Variants in STT3B observed in about 807,000 individuals in gnomAD.
The protein encoded by STT3B is dolichyl-diphosphooligosaccharide--protein glycosyltransferase subunit STT3B.
STT3B carries 29 observed loss-of-function variants against 96.8 expected under a neutral mutation model. The observed-to-expected ratio is 0.30, with a 90% CI of 0.22 to 0.41. The LOEUF is 0.41. STT3B is among the 10% of genes least tolerant of loss of function. STT3B has a pLI of 1.00. For synonymous variants in STT3B, 367 were observed against 360.0 expected (o/e 1.02, Z -0.22); for missense variants, 640 against 1,022.3 (o/e 0.63, Z 5.10).
At chr3:31,545,707 T>C (rs1320485586) in intron 1 of STT3B, among the ~76,000 whole-genome samples, 2 of 152,136 alleles carry the variant, frequency 1.3e-5, no homozygotes, top group Non-Finnish European at 2.9e-5. Flanking sequence ...TTAATAAAAC[T>C]CTCATATGTA....
At chr3:31,556,223 T>C (rs932587841) in intron 1 of STT3B, among the ~76,000 whole-genome samples, 3 of 152,164 alleles carry the variant, frequency 2.0e-5, no homozygotes, top group African/African-American at 7.2e-5. Context: ...TTGCTGCAGA[T>C]GACATACTTT....
chr3:31,618,933 AATATT>A (rs1439227016), intron 8 of STT3B, among the ~76,000 whole-genome samples: 1 of 151,018 alleles, frequency 6.6e-6, no homozygotes, highest in Non-Finnish European at 1.5e-5. Flanking sequence ...GTAAAATTGT[AATATT>A]ATAATATAAC....
intron 1 of STT3B, among the ~76,000 whole-genome samples, chr3:31,545,121 T>C (rs1166879961): frequency 1.3e-5 from 2 of 152,144 alleles, no homozygotes; most frequent in Non-Finnish European, 2.9e-5. Context: ...AACTGTGAAG[T>C]AGATGAAATA....
intron 1 of STT3B, among the ~76,000 whole-genome samples, chr3:31,542,226 T>C (rs1021400002): frequency 6.6e-6 from 1 of 152,208 alleles, no homozygotes; most frequent in Non-Finnish European, 1.5e-5. Flanking sequence ...TTTTGTCAAC[T>C]ATTAAAGTAT....
intron 5 of STT3B, among the ~76,000 whole-genome samples, chr3:31,608,797 T>C (rs1433129562): frequency 6.6e-6 from 1 of 152,216 alleles, no homozygotes; most frequent in Non-Finnish European, 1.5e-5. Flanking sequence ...TTTAGGAGCC[T>C]ACTACAGTAG....
At chr3:31,598,579 C>T (rs758610125) in intron 4 of STT3B, among the ~76,000 whole-genome samples, 16 of 151,988 alleles carry the variant, frequency 1.1e-4, no homozygotes, top group African/African-American at 3.4e-4. Context: ...TATGTGGGTC[C>T]GAGAAGAAAT....
At chr3:31,614,697 T>C (rs1699264855) in intron 5 of STT3B, among the ~76,000 whole-genome samples, 1 of 136,056 alleles carries the variant, frequency 7.3e-6, no homozygotes, top group Admixed American at 7.8e-5. Flanking sequence ...TCACACATGC[T>C]GGCAGTGGTG....
chr3:31,538,126 C>T (rs1697146843), intron 1 of STT3B, among the ~76,000 whole-genome samples: 1 of 152,126 alleles, frequency 6.6e-6, no homozygotes, highest in Non-Finnish European at 1.5e-5. Context: ...CTCATATACT[C>T]TAACCACCTA....
At chr3:31,567,930 T>C (rs1698042783) in intron 1 of STT3B, among the ~76,000 whole-genome samples, 1 of 152,150 alleles carries the variant, frequency 6.6e-6, no homozygotes, top group Non-Finnish European at 1.5e-5. Flanking sequence ...AGATCTTTTT[T>C]CTTAAATACT....
chr3:31,575,600 A>G (rs1315026559), intron 1 of STT3B, among the ~76,000 whole-genome samples: 3 of 151,988 alleles, frequency 2.0e-5, no homozygotes, highest in Non-Finnish European at 1.5e-5. Flanking sequence ...TCTGGGGTAT[A>G]AGGATTTCCT....
chr3:31,621,777 T>C (rs1285619616), intron 9 of STT3B, among the ~76,000 whole-genome samples: 5 of 152,214 alleles, frequency 3.3e-5, no homozygotes, highest in Non-Finnish European at 7.4e-5. Context: ...TGCACAAATA[T>C]GTTTTTATCT....
At chr3:31,574,525 T>A (rs1698223420) in intron 1 of STT3B, among the ~76,000 whole-genome samples, 1 of 152,142 alleles carries the variant, frequency 6.6e-6, no homozygotes, top group Non-Finnish European at 1.5e-5. Context: ...CCTCGCTTTG[T>A]AAATACAATC....
intron 1 of STT3B, among the ~76,000 whole-genome samples, chr3:31,559,054 C>T (rs1428381714): frequency 7.3e-6 from 1 of 136,070 alleles, no homozygotes; most frequent in Admixed American, 7.4e-5. Flanking sequence ...TCTCTTTTTT[C>T]TTGGTTAGTC....
intron 1 of STT3B, among the ~76,000 whole-genome samples, chr3:31,561,379 G>T (rs1697873381): frequency 6.6e-6 from 1 of 152,048 alleles, no homozygotes; most frequent in South Asian, 2.1e-4. Flanking sequence ...ACATCATGGA[G>T]AATGGGGTAT....
chr3:31,564,462 CCT>C (rs1315055830), intron 1 of STT3B, among the ~76,000 whole-genome samples: 1 of 152,194 alleles, frequency 6.6e-6, no homozygotes, highest in African/African-American at 2.4e-5. Flanking sequence ...GGTTACTTAA[CCT>C]CTTTGTGCTT....
chr3:31,564,920 T>A (rs1007260122), intron 1 of STT3B, among the ~76,000 whole-genome samples: 5 of 152,190 alleles, frequency 3.3e-5, no homozygotes, highest in African/African-American at 1.2e-4. Flanking sequence ...CCATAAATAA[T>A]TTATTCAAAT....
chr3:31,598,684 T>C (rs1698849497), intron 4 of STT3B, among the ~76,000 whole-genome samples: 1 of 152,206 alleles, frequency 6.6e-6, no homozygotes, highest in South Asian at 2.1e-4. Flanking sequence ...TCTTTGTTCT[T>C]AAGTGAAGAG....
intron 5 of STT3B, among the ~76,000 whole-genome samples, chr3:31,607,421 G>A (rs1699077458): frequency 6.6e-6 from 1 of 152,082 alleles, no homozygotes; most frequent in South Asian, 2.1e-4. Flanking sequence ...ATGCATGGGA[G>A]TGGTTTTCCC....
intron 11 of STT3B, 22 bp from the exon 12 acceptor site, chr3:31,624,892 A>G (rs1339584868): frequency 6.3e-7 from 1 of 1,590,808 alleles, no homozygotes; most frequent in Non-Finnish European, 8.6e-7. Flanking sequence ...CTCATTTAAA[A>G]GAGTATTGTG....
Sources: allele counts gnomAD v4.1 joint callset (sites outside exome capture counted in the v4.1 genomes callset), GRCh38; gene constraint gnomAD v4.1.1; transcripts MANE v1.5; gene names NCBI Gene and HGNC (gene_info 2026-07-23, HGNC 2026-07-21).